The following CKAP5 variants were observed in gnomAD, a reference collection of about 807,000 sequenced individuals.
The protein encoded by CKAP5 is cytoskeleton associated protein 5.
A neutral mutation model predicts 232.8 loss-of-function variants in CKAP5; 27 were observed. The ratio of observed to expected loss-of-function variants is 0.12; its 90% CI spans 0.09 to 0.16. The LOEUF is 0.16. Ranked by LOEUF, CKAP5 falls within the 10% of genes least tolerant of loss-of-function variation. The probability of loss-of-function intolerance (pLI) is 1.00; values close to 1 mark genes in which losing one functional copy is unlikely to be tolerated. For synonymous variants in CKAP5, 785 were observed against 841.1 expected, an observed-to-expected ratio of 0.93 and a Z score of 1.16; for missense variants, 1,838 against 2,424.7, an observed-to-expected ratio of 0.76 and a Z score of 5.08.
chr11:46,827,228 G>GC (rs2134701161), intron 1 of CKAP5, among the ~76,000 whole-genome samples: 1 of 152,204 alleles, frequency 6.6e-6, no homozygotes, highest in African/African-American at 2.4e-5. Flanking sequence ...TAGATACATA[G>GC]CCCCTCATTA....
At chr11:46,842,959 T>A (rs1592496539) in intron 1 of CKAP5, among the ~76,000 whole-genome samples, 1 of 85,700 alleles carries the variant, frequency 1.2e-5, no homozygotes, top group Non-Finnish European at 2.1e-5. Flanking sequence ...AGAGCAAGAC[T>A]CCGTCTCAAA....
chr11:46,746,515 T>C (rs1478107053), intron 42 of CKAP5, among the ~76,000 whole-genome samples: 2 of 152,262 alleles, frequency 1.3e-5, no homozygotes, highest in Non-Finnish European at 2.9e-5. Flanking sequence ...GCCACACACC[T>C]AGGCTACAAG....
In CKAP5 at chr11:46,788,788, A is replaced by G; in HGVS notation, c.1876-15T>C. The G allele has an allele frequency of 6.4e-7, 1 of 1,562,374 alleles. No individual in the cohort carries two copies. Among genetic ancestry groups the G allele is most frequent in the South Asian group, 1.1e-5 (1 of 87,516 alleles). ...AGCTCAACAGCCTTGAAGTAAAATA[A>G]GAGAATAAGAGTTTAAGGGTTAAAG... On this transcript the variant is annotated splice_polypyrimidine_tract_variant and intron_variant, in intron 15 of 43. Coordinates refer to ENST00000529230, the MANE Select transcript of CKAP5 (RefSeq NM_001008938.4).
At chr11:46,760,047 T>C (rs2065142032) in intron 33 of CKAP5, among the ~76,000 whole-genome samples, 1 of 152,266 alleles carries the variant, frequency 6.6e-6, no homozygotes, top group Admixed American at 6.5e-5. Context: ...AATAGAGCTG[T>C]CTTGCTTAGG....
chr11:46,833,095 C>A (rs1347033487), intron 1 of CKAP5, among the ~76,000 whole-genome samples: 4 of 151,916 alleles, frequency 2.6e-5, no homozygotes, highest in Admixed American at 6.6e-5. Flanking sequence ...CCACAATAGC[C>A]CTGAGGCAAA....
intron 1 of CKAP5, among the ~76,000 whole-genome samples, chr11:46,840,115 G>T (rs536676321): frequency 6.6e-4 from 101 of 152,194 alleles, no homozygotes; most frequent in African/African-American, 2.3e-3. Context: ...GACAGAGTGA[G>T]ATCCTGTCTC....
At chr11:46,776,780 T>C (rs893250937) in intron 23 of CKAP5, among the ~76,000 whole-genome samples, 2 of 152,144 alleles carry the variant, frequency 1.3e-5, no homozygotes, top group South Asian at 2.1e-4. Context: ...TGCTAATAAA[T>C]TGACTGAAAA....
At position 46,784,503 on chromosome 11, in the gene CKAP5, T is replaced by C; in HGVS notation, c.2139A>G (p.Pro713=). The change falls in exon 17 of 44, where the codon CCA becomes CCG. Residue 713 remains proline, a synonymous_variant. Coordinates refer to ENST00000529230, the MANE Select transcript of CKAP5 (RefSeq NM_001008938.4). ...MTAIAEACML[P]WTAEQVVSMA... ...TGTCACTAACCTGTTCAGCAGTCCATGGTAACATACAGGCTTCGGCTATTG... is the reference window on the plus strand; with the variant it reads ...TGTCACTAACCTGTTCAGCAGTCCACGGTAACATACAGGCTTCGGCTATTG... The C allele has an allele frequency of 3.1e-6, 5 of 1,613,938 alleles. No individual in the cohort carries two copies. The highest frequency in any genetic ancestry group is 1.1e-5 in the South Asian group (1 of 91,048).
At chr11:46,816,076 C>G in intron 4 of CKAP5, 122 bp downstream of exon 4, 1 of 172 alleles carries the variant, frequency 5.8e-3, no homozygotes, top group South Asian at 0.17. Context: ...CTCAAAACGA[C>G]CCCCCCATCC....
intron 27 of CKAP5, 74 bp from the exon 28 acceptor site, chr11:46,765,330 A>G (rs2065193472): frequency 7.6e-7 from 1 of 1,319,688 alleles, no homozygotes; most frequent in East Asian, 2.6e-5. Flanking sequence ...CTGCCCAGTA[A>G]AAGGGCACTG....
At position 46,776,318 on chromosome 11, in the gene CKAP5, T is replaced by A; in HGVS notation, c.2928A>T (p.Glu976Asp). Residue 976 changes from glutamate to aspartate, a missense_variant, in exon 24 of 44, where the codon GAA becomes GAT. Around this residue, in one of 6 missense-constraint regions of CKAP5, gnomAD observed 767 missense variants for 954.6 expected, o/e 0.80. Transcript: ENST00000529230. ...CAGAAAGATCTTCTCCTTCCAGCCA[T>A]TCCTTCATGCCAGTCTGTTCTGCCC... ...NAWAEQTGMK[E>D]WLEGEDLSEE... is the part of the protein sequence containing the mutation. 2 of 1,614,038 alleles carry A rather than the reference T, an allele frequency of 1.2e-6. No homozygotes were observed. Among genetic ancestry groups the A allele is most frequent in the Non-Finnish European group, 1.7e-6 (2 of 1,179,910 alleles).
At chr11:46,776,208 G>T (rs1178317281) in intron 24 of CKAP5, 47 bp downstream of exon 24, 10 of 1,568,788 alleles carry the variant, frequency 6.4e-6, no homozygotes, top group Non-Finnish European at 8.7e-6. Context: ...AGCCCCTATG[G>T]AAGTAAATGA....
intron 1 of CKAP5, among the ~76,000 whole-genome samples, chr11:46,829,740 G>A (rs564483288): frequency 1.3e-5 from 2 of 152,100 alleles, no homozygotes; most frequent in East Asian, 3.9e-4. Context: ...CCTAACGTTG[G>A]CATTGCTCAA....
At chr11:46,770,674 CTG>C (rs1363763571) in intron 25 of CKAP5, 112 bp downstream of exon 25, 1 of 907,074 alleles carries the variant, frequency 1.1e-6, no homozygotes, top group Non-Finnish European at 1.7e-6. Context: ...GGTAATCCAC[CTG>C]TCTCGGCCTC....
At chr11:46,784,876 GA>G (rs1476272704) in intron 16 of CKAP5, among the ~76,000 whole-genome samples, 4 of 151,908 alleles carry the variant, frequency 2.6e-5, no homozygotes, top group Admixed American at 2.0e-4. Flanking sequence ...TGAAGAGAGG[GA>G]AAAAAAGCTA....
intron 1 of CKAP5, among the ~76,000 whole-genome samples, chr11:46,840,814 C>T (rs902119093): frequency 5.3e-5 from 8 of 152,080 alleles, no homozygotes; most frequent in Non-Finnish European, 1.2e-4. Context: ...AAACCCAAGG[C>T]AGGGAATGGG....
intron 26 of CKAP5, among the ~76,000 whole-genome samples, chr11:46,768,823 C>A (rs1188492045): frequency 6.6e-6 from 1 of 152,080 alleles, no homozygotes; most frequent in Non-Finnish European, 1.5e-5. Flanking sequence ...ATAGCATCAA[C>A]AATTTCTATT....
rs1396545550 is a variant in CKAP5 at position 46,778,473 on chromosome 11, T to A, written c.2560A>T (p.Arg854Trp). Residue 854 changes from arginine (R) to tryptophan (W), a missense_variant, in exon 21 of 44, where the codon AGG (arginine) becomes TGG (tryptophan). This residue lies in a region of CKAP5 where 767 missense variants were observed against 954.6 expected (regional missense o/e 0.80). Transcript: ENST00000529230. ...GSNDVVDLLP[R>W]TEISDKITSE... Reference sequence around the variant, plus strand: ...ACTGGAACCTACCTGATCTCCGTCCTCGGCAAAAGATCAACGACATCATTG... The same window carrying A: ...ACTGGAACCTACCTGATCTCCGTCCACGGCAAAAGATCAACGACATCATTG... 1 of 1,614,182 alleles carries A rather than the reference T, an allele frequency of 6.2e-7. No homozygotes were observed. The highest frequency in any genetic ancestry group is 8.5e-7 in the Non-Finnish European group (1 of 1,180,022).
At chr11:46,747,594 T>G (rs1263049102) in intron 42 of CKAP5, among the ~76,000 whole-genome samples, 12 of 143,926 alleles carry the variant, frequency 8.3e-5, no homozygotes, top group Non-Finnish European at 1.7e-4. Context: ...AGAGCAAGAC[T>G]TCATCTCAAA....
Sources: allele counts gnomAD v4.1 joint callset (sites outside exome capture counted in the v4.1 genomes callset), GRCh38; gene constraint gnomAD v4.1.1; regional missense constraint gnomAD v4.1.1; transcripts MANE v1.5; gene names NCBI Gene and HGNC (gene_info 2026-07-23, HGNC 2026-07-21).